ZFPM1: variants seen among roughly 807,000 people sequenced by gnomAD.
The protein encoded by ZFPM1 is zinc finger protein ZFPM1.
In ZFPM1, 28 loss-of-function variants were observed where a neutral mutation model predicts 46.3. The observed-to-expected ratio is 0.60, with a 90% confidence interval of 0.45 to 0.83. The LOEUF is 0.83. Among genes scored for constraint, ZFPM1 ranks in the 40% least tolerant of loss-of-function variants. The pLI is 0.00. For missense variants in ZFPM1, 1,878 were observed against 1,432.4 expected (o/e 1.31, Z -5.02); for synonymous variants, 957 against 675.9 (o/e 1.42, Z -6.45).
In ZFPM1 at chr16:88,497,440, C is replaced by T. The variant is rs1181846197; in HGVS notation, c.268+8287C>T. On this transcript the variant is annotated intron_variant, in intron 3 of 9. Transcript: ENST00000319555. The surrounding 1 kb of genome is among the most constrained non-coding windows in gnomAD (Gnocchi z 5.4). ...GTCAGGGTGGGGCTCAGGGCCTGGG[C>T]GGGGATGGGGTTCAGAGGGGTCAGG... is the stretch of plus-strand genomic sequence containing the variant. Among the ~76,000 whole-genome samples, 1 of 68,052 alleles carries T rather than the reference C, an allele frequency of 1.5e-5. No individual in the cohort carries two copies. The highest frequency in any genetic ancestry group is 2.9e-5 in the Non-Finnish European group (1 of 35,010). The allele number at this position is 68,052 out of a possible 152,430, so 44.6% of individuals were successfully genotyped here.
chr16:88,453,838 C>T (rs1437917839), intron 1 of ZFPM1, among the ~76,000 whole-genome samples, 160 bp downstream of exon 1: 1 of 151,686 alleles, frequency 6.6e-6, no homozygotes, highest in Admixed American at 6.6e-5. Flanking sequence ...GTAATCTAAT[C>T]TCCGCCGGCG....
intron 4 of ZFPM1, among the ~76,000 whole-genome samples, chr16:88,515,499 C>T (rs1309863798): frequency 6.6e-6 from 1 of 152,254 alleles, no homozygotes; most frequent in East Asian, 1.9e-4. Flanking sequence ...AGCCTGCAGA[C>T]CCTGAGAGGG....
At chr16:88,499,060 G>A (rs979558158) in intron 3 of ZFPM1, among the ~76,000 whole-genome samples, 1 of 152,162 alleles carries the variant, frequency 6.6e-6, no homozygotes, top group Non-Finnish European at 1.5e-5. Flanking sequence ...TGCAGCCCCC[G>A]AGGCCGGCTC....
At chr16:88,533,099 C>G (rs1388808704) in intron 9 of ZFPM1, 49 bp from the exon 10 acceptor site, 1 of 1,457,106 alleles carries the variant, frequency 6.9e-7, no homozygotes. Flanking sequence ...CTCTGACCGG[C>G]CAGGTCCTGC....
rs377441633 is a variant in ZFPM1 at position 88,523,921 on chromosome 16, C to T, written c.403-2893C>T. On this transcript the variant is annotated intron_variant, in intron 4 of 9. Transcript: ENST00000319555. The stretch of plus-strand genomic sequence containing the variant: ...GCGGGGTGCACTCGGCGGGGCCGGG[C>T]GGGAACATGGCGCCTGCCCTCCACT... Among the ~76,000 whole-genome samples the T allele has an allele frequency of 4.3e-3, 653 of 152,312 alleles. 8 individuals carry two copies. Among genetic ancestry groups the T allele is most frequent in the African/African-American group, 0.015 (607 of 41,574 alleles).
chr16:88,466,760 G>A (rs1908152063), intron 1 of ZFPM1, among the ~76,000 whole-genome samples: 1 of 152,156 alleles, frequency 6.6e-6, no homozygotes, highest in African/African-American at 2.4e-5. Flanking sequence ...GTGCAGTGGG[G>A]TGTGTATGTG....
chr16:88,460,400 G>T (rs145698412), intron 1 of ZFPM1, among the ~76,000 whole-genome samples: 1 of 152,330 alleles, frequency 6.6e-6, no homozygotes, highest in African/African-American at 2.4e-5. Flanking sequence ...CTGGGCCCAG[G>T]CAGTGTCATG....
At position 88,462,925 on chromosome 16, in the gene ZFPM1, C is replaced by T. The variant is rs1352113464; in HGVS notation, c.40+9247C>T. 2.6e-5 allele frequency among the ~76,000 whole-genome samples: 4 copies of T among 151,898 alleles called. No homozygotes were observed. In the East Asian group the frequency reaches 5.8e-4, roughly 22 times the overall value. On this transcript the variant is annotated intron_variant, in intron 1 of 9. Coordinates refer to ENST00000319555, the MANE Select transcript of ZFPM1 (RefSeq NM_153813.3). ...GGGAGGTGCAGCCCGGGCCAGGGCC[C>T]CCTGTGGTCTGTAACAAAATCCACA...
rs1457802381 is a variant in ZFPM1, at chr16:88,497,037, ACC to A, written c.268+7886_268+7887del. ...CACACACCTGCTCCTGGCTCGCTCCACCCGTAAGTGCCTCAGGACCTGGAGCT... is the reference window on the plus strand; with the variant it reads ...CACACACCTGCTCCTGGCTCGCTCCACGTAAGTGCCTCAGGACCTGGAGCT... On this transcript the variant is annotated intron_variant, in intron 3 of 9. Transcript: ENST00000319555. The surrounding 1 kb of genome is among the most constrained non-coding windows in gnomAD (Gnocchi z 5.4). 6.6e-6 allele frequency among the ~76,000 whole-genome samples: 1 copy of A among 152,090 alleles called. No homozygotes were observed. The highest frequency in any genetic ancestry group is 2.4e-5 in the African/African-American group (1 of 41,388).
chr16:88,517,261 G>C (rs1026529004), intron 4 of ZFPM1, among the ~76,000 whole-genome samples: 10 of 146,602 alleles, frequency 6.8e-5, no homozygotes, highest in African/African-American at 2.3e-4. Flanking sequence ...TGGATGGATG[G>C]ATGGATGTGT....
chr16:88,509,109 C>T (rs1256114659), intron 3 of ZFPM1, among the ~76,000 whole-genome samples: 2 of 152,186 alleles, frequency 1.3e-5, no homozygotes, highest in East Asian at 1.9e-4. Flanking sequence ...CTGGTGTTCT[C>T]GGGGCCCACG....
In ZFPM1 at chr16:88,511,119, AG is replaced by A. The variant is rs1484978352; in HGVS notation, c.269-3265del. On this transcript the variant is annotated intron_variant, in intron 3 of 9. Transcript: ENST00000319555. ...GAAAGACCAGTCACAGGAGGCTGGCAGGGAAGGACACCACCCCCTGGAAGCC... is the reference window on the plus strand; with the variant it reads ...GAAAGACCAGTCACAGGAGGCTGGCAGGAAGGACACCACCCCCTGGAAGCC... 2.6e-5 allele frequency among the ~76,000 whole-genome samples: 4 copies of A among 152,290 alleles called. No individual in the cohort carries two copies. In the East Asian group the frequency reaches 7.7e-4, roughly 29 times the overall value.
intron 3 of ZFPM1, among the ~76,000 whole-genome samples, chr16:88,508,816 G>A (rs1425476290): frequency 6.6e-6 from 1 of 152,224 alleles, no homozygotes; most frequent in Non-Finnish European, 1.5e-5. Context: ...TTCCCCCCAG[G>A]AGGGTCTGAC....
Position 88,534,649 on chromosome 16 carries a change from C to G in ZFPM1, c.2691C>G (p.Asp897Glu), listed in dbSNP as rs1444567970. Residue 897 changes from aspartate to glutamate, a missense_variant, in exon 10 of 10, where the codon GAC (aspartate) becomes GAG (glutamate). Transcript: ENST00000319555. ...GPGVEARTPA[D>E]RGPSPAPAPA... Reference sequence around the variant, plus strand: ...GGGTCGAGGCCCGGACGCCGGCCGACCGCGGCCCCTCGCCCGCTCCCGCCC... The same window carrying G: ...GGGTCGAGGCCCGGACGCCGGCCGAGCGCGGCCCCTCGCCCGCTCCCGCCC... 2.9e-6 allele frequency: 3 copies of G among 1,027,270 alleles called. No homozygotes were observed. In the African/African-American group the frequency reaches 5.2e-5, roughly 18 times the overall value. The allele number at this position is 1,027,270 out of a possible 1,614,324, so 63.6% of individuals were successfully genotyped here. A position where few individuals can be genotyped will look rare whatever the true frequency, so the allele number is the denominator to read the frequency against.
At chr16:88,515,838 G>C (rs1427377054) in intron 4 of ZFPM1, among the ~76,000 whole-genome samples, 2 of 152,204 alleles carry the variant, frequency 1.3e-5, no homozygotes, top group East Asian at 1.9e-4. Flanking sequence ...CACTGTACGC[G>C]TGTGAGCGGC....
At chr16:88,478,363 G>A (rs1484645417) in intron 1 of ZFPM1, among the ~76,000 whole-genome samples, 3 of 152,254 alleles carry the variant, frequency 2.0e-5, no homozygotes, top group African/African-American at 7.2e-5. Flanking sequence ...GGGTGGGCCA[G>A]GGGTGGGGCT....
At position 88,507,668 on chromosome 16, in the gene ZFPM1, G is replaced by A. The variant is rs764623549; in HGVS notation, c.269-6719G>A. Among the ~76,000 whole-genome samples, 26 of 152,332 alleles carry A rather than the reference G, an allele frequency of 1.7e-4. No homozygotes were observed. In the South Asian group the frequency reaches 3.1e-3, roughly 18 times the overall value. On this transcript the variant is annotated intron_variant, in intron 3 of 9. Transcript: ENST00000319555. The stretch of plus-strand genomic sequence containing the variant: ...CCCATGGGAGATGCCATCCAGCTCC[G>A]GCAGATGTGGGCCTCGGGGAGAAGT...
chr16:88,534,976 G>C lies in ZFPM1; in HGVS notation c.3018G>C (p.Lys1006Asn). The C allele has an allele frequency of 7.0e-7, 1 of 1,437,368 alleles. No individual in the cohort carries two copies. Among genetic ancestry groups the C allele is most frequent in the South Asian group, 1.4e-5 (1 of 70,398 alleles). 89.0% of individuals were successfully genotyped at this position (1,437,368 alleles called of 1,614,324 possible). A position where few individuals can be genotyped will look rare whatever the true frequency, so the allele number is the denominator to read the frequency against. Reference protein sequence around the residue: ...YCSSHAAEHVK With the variant: ...YCSSHAAEHVN ...CCTCGCACGCCGCCGAGCACGTGAA[G>C]TGAGCGCCCACACTACAGCCGCAGA... The change falls in exon 10 of 10, where the codon AAG (lysine) becomes AAC (asparagine). Residue 1006 changes from lysine (K) to asparagine (N), a missense_variant. Lys to Asn is a moderately conservative substitution (Grantham distance 94). Transcript: ENST00000319555.
intron 3 of ZFPM1, among the ~76,000 whole-genome samples, chr16:88,501,803 C>A (rs1015232593): frequency 6.6e-6 from 1 of 151,790 alleles, no homozygotes; most frequent in Non-Finnish European, 1.5e-5. Flanking sequence ...GGCCCTGCCG[C>A]TGGTGCTGGT....
Sources: allele counts gnomAD v4.1 joint callset (sites outside exome capture counted in the v4.1 genomes callset), GRCh38; gene constraint gnomAD v4.1.1; non-coding constraint Gnocchi (gnomAD v3.1); transcripts MANE v1.5; gene names NCBI Gene and HGNC (gene_info 2026-07-23, HGNC 2026-07-21).